Variants in ZNF497 observed in about 807,000 individuals in gnomAD.
ZNF497 encodes the protein zinc finger-like protein.
For synonymous variants in ZNF497, 422 were observed against 313.7 expected, an observed-to-expected ratio of 1.35 and a Z score of -3.65; for missense variants, 930 against 714.0, an observed-to-expected ratio of 1.30 and a Z score of -3.45.
In ZNF497 at chr19:58,358,480, G is replaced by A. The variant is rs2148007896; in HGVS notation, c.-15+9C>T. ...CAGGGCAGGGACAAGTGTGTAGATGGTGCCATACCTGGAGGTGGGGCCTGG... is the reference window on the plus strand; with the variant it reads ...CAGGGCAGGGACAAGTGTGTAGATGATGCCATACCTGGAGGTGGGGCCTGG... On this transcript the variant is annotated intron_variant, in intron 2 of 2. Coordinates refer to ENST00000311044, the MANE Select transcript of ZNF497 (RefSeq NM_198458.3). The A allele has an allele frequency of 1.7e-6, 2 of 1,169,744 alleles. No homozygotes were observed. Among genetic ancestry groups the A allele is most frequent in the East Asian group, 6.1e-5 (1 of 16,306 alleles). 72.5% of individuals were successfully genotyped at this position (1,169,744 alleles called of 1,614,324 possible).
chr19:58,358,077 T>G, intron 2 of ZNF497: 1 of 1,229,056 alleles, frequency 8.1e-7, no homozygotes. Context: ...TCCTGAAGGC[T>G]GGAGGACACC....
chr19:58,356,379 G>A lies in ZNF497; in HGVS notation c.1257C>T (p.Cys419=). The stretch of plus-strand genomic sequence containing the variant: ...CGGAGCTGCCGCGGAAGGCCTTGCC[G>A]CATTCTGCGCAGGCGAAGGGTCGCT... ...TGERPFACAE[C]GKAFRGSSEL... The change falls in exon 3 of 3, where the codon TGC becomes TGT. Residue 419 remains cysteine (C), a synonymous_variant. Transcript: ENST00000311044. The A allele has an allele frequency of 6.4e-7, 1 of 1,566,076 alleles. No individual in the cohort carries two copies. Among genetic ancestry groups the A allele is most frequent in the Non-Finnish European group, 8.6e-7 (1 of 1,160,074 alleles).
rs377199632 is a variant in ZNF497, at chr19:58,357,072, C to G, written c.564G>C (p.Lys188Asn). 6.2e-7 allele frequency: 1 copy of G among 1,611,038 alleles called. No homozygotes were observed. The highest frequency in any genetic ancestry group is 8.5e-7 in the Non-Finnish European group (1 of 1,178,980). Residue 188 changes from lysine (K) to asparagine (N), a missense_variant, in exon 3 of 3, where the codon AAG becomes AAC. By Grantham distance (94) the Lys-to-Asn change is moderately conservative (BLOSUM62 0). Coordinates refer to ENST00000311044, the MANE Select transcript of ZNF497 (RefSeq NM_198458.3). ...IHHQETHSGL[K>N]PFRCPDCGKS... Reference sequence around the variant, plus strand: ...TGCCGCAGTCCGGGCAGCGGAAGGGCTTCAGGCCGCTGTGTGTCTCCTGGT... The same window carrying G: ...TGCCGCAGTCCGGGCAGCGGAAGGGGTTCAGGCCGCTGTGTGTCTCCTGGT...
chr19:58,361,004 G>A (rs1001960006), intron 1 of ZNF497, among the ~76,000 whole-genome samples: 3 of 151,668 alleles, frequency 2.0e-5, no homozygotes, highest in Non-Finnish European at 4.4e-5. Context: ...GGATGGTCTC[G>A]ATCTCCTGAC....
At chr19:58,361,456 A>C (rs920596172) in intron 1 of ZNF497, among the ~76,000 whole-genome samples, 5 of 152,078 alleles carry the variant, frequency 3.3e-5, no homozygotes, top group Non-Finnish European at 7.4e-5. Flanking sequence ...TCCTGGGTAC[A>C]AGCGATTCTC....
In ZNF497 at chr19:58,356,638, G is replaced by C. The variant is rs758455442; in HGVS notation, c.998C>G (p.Ala333Gly). 1 of 1,545,528 alleles carries C rather than the reference G, an allele frequency of 6.5e-7. No homozygotes were observed. The highest frequency in any genetic ancestry group is 1.2e-5 in the South Asian group (1 of 84,726). ...THTGERPFEC[A>G]ECGQAFVMGS... ...CATGACGAAAGCCTGGCCGCACTCG[G>C]CGCACTCGAAGGGCCGCTCACCAGT... The change falls in exon 3 of 3, where the codon GCC (alanine) becomes GGC (glycine). Residue 333 changes from alanine (A) to glycine (G), a missense_variant. Transcript: ENST00000311044.
Position 58,357,654 on chromosome 19 carries a change from A to C in ZNF497, c.-14-5T>G, listed in dbSNP as rs1355555380. On this transcript the variant is annotated splice_region_variant and splice_polypyrimidine_tract_variant and intron_variant, in intron 2 of 2. Coordinates refer to ENST00000311044, the MANE Select transcript of ZNF497 (RefSeq NM_198458.3). ...ACTCCATCTCGCGCCTGTGACCTAA[A>C]ACAGGAGAGAAAAGGCAAGTACCTT... 1 of 1,514,202 alleles carries C rather than the reference A, an allele frequency of 6.6e-7. No individual in the cohort carries two copies. The highest frequency in any genetic ancestry group is 8.8e-7 in the Non-Finnish European group (1 of 1,132,960). 93.8% of individuals were successfully genotyped at this position (1,514,202 alleles called of 1,614,324 possible).
At position 58,356,282 on chromosome 19, in the gene ZNF497, C is replaced by G. The variant is rs759892315; in HGVS notation, c.1354G>C (p.Val452Leu). 1.3e-6 allele frequency: 2 copies of G among 1,595,290 alleles called. No homozygotes were observed. The highest frequency in any genetic ancestry group is 1.4e-5 in the African/African-American group (1 of 74,060). Residue 452 changes from valine to leucine, a missense_variant, in exon 3 of 3, where the codon GTG becomes CTG. Physicochemically the swap from Val to Leu is conservative, Grantham distance 32 (BLOSUM62 1). Coordinates refer to ENST00000311044, the MANE Select transcript of ZNF497 (RefSeq NM_198458.3). ...TGGCTTAAGAGCTCCGACTTGCGCACGAAGGCCTTGCTGCAGTGGGCGCAG... is the reference window on the plus strand; with the variant it reads ...TGGCTTAAGAGCTCCGACTTGCGCAGGAAGGCCTTGCTGCAGTGGGCGCAG... ...FVCAHCSKAF[V>L]RKSELLSHRR...
Position 58,358,582 on chromosome 19 carries a change from G to A in ZNF497, c.-108C>T. 1 of 1,187,180 alleles carries A rather than the reference G, an allele frequency of 8.4e-7. No individual in the cohort carries two copies. Among genetic ancestry groups the A allele is most frequent in the Admixed American group, 3.6e-5 (1 of 27,432 alleles). 73.5% of individuals were successfully genotyped at this position (1,187,180 alleles called of 1,614,324 possible). On this transcript the variant is annotated 5_prime_UTR_variant, in exon 2 of 3. Coordinates refer to ENST00000311044, the MANE Select transcript of ZNF497 (RefSeq NM_198458.3). Reference sequence around the variant, plus strand: ...AGCTCCTCTTGGGGCCTGGGGGCTGGCACCTGGGGACAGGAAGGCAGCAGG... The same window carrying A: ...AGCTCCTCTTGGGGCCTGGGGGCTGACACCTGGGGACAGGAAGGCAGCAGG...
At chr19:58,359,015 G>A (rs1251800491) in intron 1 of ZNF497, 1 of 497,864 alleles carries the variant, frequency 2.0e-6, no homozygotes, top group Middle Eastern at 3.1e-4. Flanking sequence ...TGGGAGCAGT[G>A]TGCCCAATAA....
At chr19:58,359,369 G>T in intron 1 of ZNF497, 1 of 815,772 alleles carries the variant, frequency 1.2e-6, no homozygotes, top group Non-Finnish European at 1.8e-6. Context: ...GGCCACGAAG[G>T]TCCCCTCCTT....
rs138913624 is a variant in ZNF497 at position 58,360,597 on chromosome 19, C to T, written c.-111-2012G>A. 3.9e-3 allele frequency among the ~76,000 whole-genome samples: 588 copies of T among 151,934 alleles called. 5 individuals carry two copies. Among genetic ancestry groups the T allele is most frequent in the African/African-American group, 0.013 (538 of 41,476 alleles). Reference sequence around the variant, plus strand: ...AGGCTGGAATGAAGTGGCGCAATCTCGGCTCACTGCAACCTCTGCCCCCAG... The same window carrying T: ...AGGCTGGAATGAAGTGGCGCAATCTTGGCTCACTGCAACCTCTGCCCCCAG... On this transcript the variant is annotated intron_variant, in intron 1 of 2. Transcript: ENST00000311044.
chr19:58,357,857 T>C (rs1161224553), intron 2 of ZNF497: 19 of 1,307,454 alleles, frequency 1.5e-5, no homozygotes, highest in Non-Finnish European at 1.8e-5. Context: ...TGGGCCTGCC[T>C]GACAGGGCCA....
chr19:58,362,380 G>A (rs1239397676), intron 1 of ZNF497, among the ~76,000 whole-genome samples: 1 of 152,244 alleles, frequency 6.6e-6, no homozygotes, highest in East Asian at 1.9e-4. Context: ...GGCAGGGCAT[G>A]AGTGAATGAG....
intron 1 of ZNF497, chr19:58,358,985 T>C (rs958419814): frequency 3.6e-5 from 17 of 474,512 alleles, no homozygotes; most frequent in Non-Finnish European, 6.2e-5. Flanking sequence ...CCACTGCTCC[T>C]GCGTGTAGGC....
At chr19:58,359,393 A>G in intron 1 of ZNF497, 1 of 561,678 alleles carries the variant, frequency 1.8e-6, no homozygotes, top group Non-Finnish European at 3.1e-6. Context: ...ACCACCTGAG[A>G]CTGAGTAAAA....
At position 58,356,168 on chromosome 19, in the gene ZNF497, TC is replaced by T; in HGVS notation, c.1467del (p.Lys490SerfsTer15). On this transcript the variant is annotated frameshift_variant, in exon 3 of 3. Coordinates refer to ENST00000311044, the MANE Select transcript of ZNF497 (RefSeq NM_198458.3). ...GGCGCAGCGCGGCCCCCGTGCCGCT[TC>T]TGGTGCTCGTTGAGGTTGCAACGGT... The part of the protein sequence containing the change: ...FSHRCNLNEH[Q>X]KRHGGRAAP The T allele has an allele frequency of 6.3e-7, 1 of 1,578,746 alleles. No homozygotes were observed. Among genetic ancestry groups the T allele is most frequent in the East Asian group, 2.3e-5 (1 of 44,266 alleles).
Position 58,357,543 on chromosome 19 carries a change from C to T in ZNF497, c.93G>A (p.Glu31=). The T allele has an allele frequency of 1.2e-6, 2 of 1,605,714 alleles. No homozygotes were observed. Among genetic ancestry groups the T allele is most frequent in the Non-Finnish European group, 1.7e-6 (2 of 1,176,524 alleles). The stretch of plus-strand genomic sequence containing the variant: ...CCCCCCAGCCTCCAGACACAGCCCC[C>T]TCAGAGAGGCCCCTCGTGGCAGTCT... The part of the protein sequence containing the change: ...NVKTATRGLS[E]GAVSGGWGAW... The change falls in exon 3 of 3, where the codon GAG becomes GAA. Residue 31 remains glutamate (E), a synonymous_variant. Transcript: ENST00000311044.
chr19:58,361,522 A>G (rs1414174457), intron 1 of ZNF497, among the ~76,000 whole-genome samples: 2 of 151,738 alleles, frequency 1.3e-5, no homozygotes, highest in East Asian at 2.0e-4. Flanking sequence ...ACACCCGCCT[A>G]ATTTTTGTGT....
Sources: allele counts gnomAD v4.1 joint callset (sites outside exome capture counted in the v4.1 genomes callset), GRCh38; gene constraint gnomAD v4.1.1; transcripts MANE v1.5; gene names NCBI Gene and HGNC (gene_info 2026-07-23, HGNC 2026-07-21).